LDLRAD3: variants seen among roughly 807,000 people sequenced by gnomAD.
LDLRAD3 encodes low-density lipoprotein receptor class A domain-containing protein 3.
Under a neutral mutation model 29.4 loss-of-function variants are expected in LDLRAD3, and 20 were observed. The ratio of observed to expected loss-of-function variants is 0.68; its 90% CI spans 0.48 to 0.99. LDLRAD3 has a LOEUF of 0.99. LDLRAD3 is among the 50% of genes least tolerant of loss of function. The pLI is 0.00. For synonymous variants in LDLRAD3, 157 were observed against 192.7 expected, an observed-to-expected ratio of 0.81 and a Z score of 1.53; for missense variants, 420 against 454.3, an observed-to-expected ratio of 0.92 and a Z score of 0.69.
In LDLRAD3 at chr11:36,098,357, G is replaced by A. The variant is rs758015390; in HGVS notation, c.350G>A (p.Arg117His). ...TANPLLCSTARYHCKNGLCID... is the reference protein window; with the variant it reads ...TANPLLCSTAHYHCKNGLCID... ...AACCCTCTGCTTTGCTCCACCGCCC[G>A]CTACCACTGCAAGAACGGCCTCTGT... The change falls in exon 4 of 6, where the codon CGC (arginine) becomes CAC (histidine). Residue 117 changes from arginine to histidine, a missense_variant. This residue lies in a region of LDLRAD3 where 224 missense variants were observed against 222.2 expected (regional missense o/e 1.01). Coordinates refer to ENST00000315571, the MANE Select transcript of LDLRAD3 (RefSeq NM_174902.4). 1.3e-5 allele frequency: 21 copies of A among 1,614,050 alleles called. No individual in the cohort carries two copies. Among genetic ancestry groups the A allele is most frequent in the South Asian group, 4.4e-5 (4 of 91,082 alleles).
At chr11:36,195,223 G>A (rs1855014672) in intron 4 of LDLRAD3, among the ~76,000 whole-genome samples, 1 of 152,192 alleles carries the variant, frequency 6.6e-6, no homozygotes. Context: ...AACAGTAGGA[G>A]TATTTAGGAT....
chr11:36,156,540 C>T (rs12576603), intron 4 of LDLRAD3, among the ~76,000 whole-genome samples: 10,603 of 152,272 alleles, frequency 0.07, 541 homozygotes, highest in East Asian at 0.25. Context: ...AGAAGATCTA[C>T]GTCCTTGAAA....
At chr11:36,167,315 A>G (rs1347401551) in intron 4 of LDLRAD3, among the ~76,000 whole-genome samples, 2 of 152,188 alleles carry the variant, frequency 1.3e-5, no homozygotes, top group Non-Finnish European at 2.9e-5. Context: ...AGAGATGTTA[A>G]TCTCATCTGA....
At chr11:35,952,974 C>T (rs1358247629) in intron 1 of LDLRAD3, among the ~76,000 whole-genome samples, 2 of 152,138 alleles carry the variant, frequency 1.3e-5, no homozygotes, top group African/African-American at 2.4e-5. Flanking sequence ...AACTAAGGGG[C>T]TCTTGTGCGA....
At chr11:36,038,109 G>A (rs1287898506) in intron 2 of LDLRAD3, among the ~76,000 whole-genome samples, 1 of 152,038 alleles carries the variant, frequency 6.6e-6, no homozygotes, top group African/African-American at 2.4e-5. Context: ...ACGTTGCCCA[G>A]GTTGCTCTTG....
intron 4 of LDLRAD3, among the ~76,000 whole-genome samples, chr11:36,155,220 A>G (rs1308096855): frequency 3.3e-5 from 5 of 152,224 alleles, no homozygotes; most frequent in Non-Finnish European, 7.3e-5. Context: ...CAACCCACAG[A>G]TCACGCTGTC....
intron 1 of LDLRAD3, among the ~76,000 whole-genome samples, chr11:35,991,604 C>T (rs1851690426): frequency 6.6e-6 from 1 of 152,154 alleles, no homozygotes; most frequent in African/African-American, 2.4e-5. Context: ...ACAGCTTCTT[C>T]CAACAACTGG....
Position 36,125,146 on chromosome 11 carries a change from C to G in LDLRAD3, c.454+26685C>G, listed in dbSNP as rs558450123. On this transcript the variant is annotated intron_variant, in intron 4 of 5. Transcript: ENST00000315571. The stretch of plus-strand genomic sequence containing the variant: ...CAGTTATCATACTTATCAGTTGTGC[C>G]TTTATGATTGTGGGTCTGCACTCTG... Among the ~76,000 whole-genome samples the G allele has an allele frequency of 5.3e-5, 8 of 152,230 alleles. No homozygotes were observed. In the South Asian group the frequency reaches 1.7e-3, roughly 32 times the overall value.
chr11:36,144,968 C>T (rs1167696574), intron 4 of LDLRAD3, among the ~76,000 whole-genome samples: 1 of 105,950 alleles, frequency 9.4e-6, no homozygotes, highest in African/African-American at 3.6e-5. Context: ...CCGCCCCGTC[C>T]CGGAAGGAGG....
At chr11:35,976,354 A>C (rs1294238586) in intron 1 of LDLRAD3, among the ~76,000 whole-genome samples, 4 of 152,110 alleles carry the variant, frequency 2.6e-5, no homozygotes, top group Admixed American at 6.6e-5. Context: ...GAGGGGTCAT[A>C]TCTTGGTGGG....
At chr11:36,214,377 G>A (rs193115849) in intron 4 of LDLRAD3, among the ~76,000 whole-genome samples, 4 of 152,298 alleles carry the variant, frequency 2.6e-5, no homozygotes. Flanking sequence ...GAGTCTGCCT[G>A]CACTGGCCCC....
intron 4 of LDLRAD3, among the ~76,000 whole-genome samples, chr11:36,100,316 TAA>T (rs1371420508): frequency 1.3e-5 from 2 of 152,308 alleles, no homozygotes; most frequent in East Asian, 3.9e-4. Context: ...CAAATTTTTA[TAA>T]AACCAAACAT....
chr11:36,091,897 G>T (rs1233569058), intron 3 of LDLRAD3, among the ~76,000 whole-genome samples: 1 of 152,116 alleles, frequency 6.6e-6, no homozygotes, highest in East Asian at 1.9e-4. Context: ...GGCCCCATGG[G>T]ACCACAGAAA....
chr11:35,985,628 T>A (rs1851604834), intron 1 of LDLRAD3, among the ~76,000 whole-genome samples: 1 of 152,054 alleles, frequency 6.6e-6, no homozygotes, highest in African/African-American at 2.4e-5. Context: ...AGGGATCTGG[T>A]GGGAGGTAAC....
chr11:36,089,707 C>T (rs1853248537), intron 3 of LDLRAD3, among the ~76,000 whole-genome samples: 1 of 152,108 alleles, frequency 6.6e-6, no homozygotes, highest in African/African-American at 2.4e-5. Context: ...TCAATTGATA[C>T]TCCCATCTCA....
chr11:36,225,468 A>T (rs1590369796), intron 4 of LDLRAD3, among the ~76,000 whole-genome samples: 1 of 152,072 alleles, frequency 6.6e-6, no homozygotes, highest in Non-Finnish European at 1.5e-5. Flanking sequence ...GCATGTGTGG[A>T]GAGAAGGCTA....
intron 4 of LDLRAD3, among the ~76,000 whole-genome samples, chr11:36,212,349 A>G (rs890733574): frequency 2.6e-5 from 4 of 152,142 alleles, no homozygotes; most frequent in Non-Finnish European, 5.9e-5. Flanking sequence ...TAGGAGAGGT[A>G]GCAAAGAACT....
chr11:36,167,194 T>G (rs1854527615), intron 4 of LDLRAD3, among the ~76,000 whole-genome samples: 1 of 152,054 alleles, frequency 6.6e-6, no homozygotes, highest in Non-Finnish European at 1.5e-5. Flanking sequence ...CAGTCTTGAG[T>G]CAGAAGGGAG....
chr11:36,005,405 A>G (rs1383742687), intron 1 of LDLRAD3, among the ~76,000 whole-genome samples: 2 of 152,234 alleles, frequency 1.3e-5, no homozygotes, highest in South Asian at 2.1e-4. Context: ...GCTAAAGCAT[A>G]GCAAGAGTGA....
Sources: allele counts gnomAD v4.1 joint callset (sites outside exome capture counted in the v4.1 genomes callset), GRCh38; gene constraint gnomAD v4.1.1; regional missense constraint gnomAD v4.1.1; transcripts MANE v1.5; gene names NCBI Gene and HGNC (gene_info 2026-07-23, HGNC 2026-07-21).